The following DAB1 variants were observed in gnomAD, a reference collection of about 807,000 sequenced individuals.
DAB1 encodes the protein disabled homolog 1.
DAB1 carries 15 observed loss-of-function variants against 64.6 expected under a neutral mutation model. That is an observed-to-expected ratio of 0.23 (90% CI 0.16 to 0.36). The LOEUF is 0.36. DAB1 is among the 10% of genes least tolerant of loss of function. DAB1 has a pLI of 1.00. For synonymous variants in DAB1, 235 were observed against 251.9 expected (o/e 0.93, Z 0.64); for missense variants, 596 against 706.7 (o/e 0.84, Z 1.78).
intron 3 of DAB1, among the ~76,000 whole-genome samples, chr1:58,347,582 G>T (rs1255264140): frequency 6.6e-5 from 10 of 152,180 alleles, no homozygotes; most frequent in Admixed American, 5.9e-4. Context: ...AGGTGGAGGA[G>T]AACCACCTTT....
At chr1:57,492,564 T>C (rs1644177766) in intron 7 of DAB1, among the ~76,000 whole-genome samples, 1 of 152,238 alleles carries the variant, frequency 6.6e-6, no homozygotes, top group South Asian at 2.1e-4. Context: ...AGGAACTGAA[T>C]TGTTAATTTT....
chr1:57,322,271 G>T (rs570748875), intron 1 of DAB1, among the ~76,000 whole-genome samples: 3 of 152,250 alleles, frequency 2.0e-5, no homozygotes, highest in East Asian at 3.9e-4. Context: ...CCAGTGCCCA[G>T]TACAAATAAA....
intron 5 of DAB1, among the ~76,000 whole-genome samples, chr1:57,939,057 C>A (rs189572773): frequency 6.6e-6 from 1 of 152,098 alleles, no homozygotes; most frequent in Non-Finnish European, 1.5e-5. Flanking sequence ...TTTTGAACAA[C>A]AAACATTTAT....
At chr1:58,422,082 C>T (rs1241417855) in intron 3 of DAB1, among the ~76,000 whole-genome samples, 3 of 151,896 alleles carry the variant, frequency 2.0e-5, no homozygotes, top group Non-Finnish European at 4.4e-5. Flanking sequence ...GGTTAAATAA[C>T]CTTGGCACTA....
chr1:57,745,879 A>T (rs1046535744), intron 6 of DAB1, among the ~76,000 whole-genome samples: 4 of 152,212 alleles, frequency 2.6e-5, no homozygotes, highest in African/African-American at 4.8e-5. Context: ...TCTATTATTT[A>T]TACATTTTAT....
intron 9 of DAB1, chr1:57,033,329 T>C: frequency 6.5e-7 from 1 of 1,540,942 alleles, no homozygotes; most frequent in Non-Finnish European, 9.0e-7. Context: ...GAAGAGAATA[T>C]GGAATGCATG....
At chr1:57,918,582 T>C (rs1030613784) in intron 5 of DAB1, among the ~76,000 whole-genome samples, 2 of 152,128 alleles carry the variant, frequency 1.3e-5, no homozygotes, top group East Asian at 3.9e-4. Flanking sequence ...CCCAGCACTT[T>C]GGGAGGCCGG....
At position 57,968,876 on chromosome 1, in the gene DAB1, C is replaced by A. The variant is rs200863690; in HGVS notation, n.388-84714G>T. Reference sequence around the variant, plus strand: ...AACCTACCCAGCTATAACTCTAGTTCTTTCTGAATTCTTTCCCTGCATCGT... The same window carrying A: ...AACCTACCCAGCTATAACTCTAGTTATTTCTGAATTCTTTCCCTGCATCGT... On this transcript the variant is annotated intron_variant and non_coding_transcript_variant, in intron 5 of 20. Coordinates refer to the DAB1 transcript ENST00000485760. Among the ~76,000 whole-genome samples the A allele has an allele frequency of 2.6e-5, 4 of 152,256 alleles. No homozygotes were observed. The East Asian group carries it at 7.7e-4, about 29-fold the overall frequency.
intron 4 of DAB1, among the ~76,000 whole-genome samples, chr1:58,174,196 T>A (rs949048919): frequency 1.3e-5 from 2 of 152,186 alleles, no homozygotes; most frequent in African/African-American, 4.8e-5. Flanking sequence ...ACCTGGCATT[T>A]ACAGGAAAAG....
At chr1:57,689,709 AT>A in intron 6 of DAB1, among the ~76,000 whole-genome samples, 1 of 152,330 alleles carries the variant, frequency 6.6e-6, no homozygotes, top group South Asian at 2.1e-4. Context: ...TAATAACCAC[AT>A]CAGGGAAAAT....
chr1:58,322,266 T>C (rs536604746), intron 4 of DAB1, among the ~76,000 whole-genome samples: 3 of 152,288 alleles, frequency 2.0e-5, no homozygotes. Context: ...AAAGAGCTGC[T>C]GCATAGCAAA....
intron 1 of DAB1, among the ~76,000 whole-genome samples, chr1:58,545,276 A>C (rs10789067): frequency 0.63 from 96,284 of 152,134 alleles, 32,312 homozygotes; most frequent in East Asian, 0.82. Context: ...CTTGTGTAAA[A>C]ATTTTAAAAG....
At chr1:58,120,413 T>C (rs968015059) in intron 5 of DAB1, among the ~76,000 whole-genome samples, 13 of 152,154 alleles carry the variant, frequency 8.5e-5, no homozygotes, top group African/African-American at 3.1e-4. Flanking sequence ...GGAATAAGCC[T>C]GGCCTGGATT....
intron 7 of DAB1, among the ~76,000 whole-genome samples, chr1:57,623,464 T>C (rs868462410): frequency 2.6e-5 from 4 of 152,160 alleles, no homozygotes; most frequent in Admixed American, 6.5e-5. Flanking sequence ...TGTAATAACA[T>C]GAGCACTGTG....
chr1:57,329,660 CAAAAAAAAA>C (rs57801886), intron 1 of DAB1, among the ~76,000 whole-genome samples: 17 of 101,050 alleles, frequency 1.7e-4, no homozygotes, highest in African/African-American at 6.5e-4. Context: ...TTGTCTCTTC[CAAAAAAAAA>C]AAAAAAAAAA....
chr1:58,403,800 T>C (rs1044508451), intron 3 of DAB1, among the ~76,000 whole-genome samples: 4 of 152,142 alleles, frequency 2.6e-5, no homozygotes, highest in African/African-American at 9.7e-5. Flanking sequence ...TGTTTGCAAA[T>C]GTGCATGCAT....
chr1:58,282,938 T>G (rs185592533), intron 4 of DAB1, among the ~76,000 whole-genome samples: 1 of 152,310 alleles, frequency 6.6e-6, no homozygotes, highest in Admixed American at 6.5e-5. Context: ...GGAAAATAGC[T>G]TGCAGAGAAG....
intron 3 of DAB1, among the ~76,000 whole-genome samples, chr1:58,348,202 T>C (rs931421157): frequency 1.2e-4 from 19 of 152,138 alleles, no homozygotes; most frequent in African/African-American, 2.9e-4. Flanking sequence ...CTAACAACTC[T>C]AGGAGGTTGT....
intron 5 of DAB1, among the ~76,000 whole-genome samples, chr1:58,028,488 C>G (rs1264862288): frequency 6.6e-6 from 1 of 152,146 alleles, no homozygotes; most frequent in Non-Finnish European, 1.5e-5. Flanking sequence ...AGCTTCAGTA[C>G]TATGTCTAGC....
Sources: gnomAD v4.1 joint callset for allele counts (sites outside exome capture counted in the v4.1 genomes callset) on GRCh38, gnomAD v4.1.1 for gene constraint, MANE v1.5 for transcripts, NCBI Gene and HGNC (gene_info 2026-07-23, HGNC 2026-07-21) for gene names.